The following CAMTA1 variants were observed in gnomAD, a reference collection of about 807,000 sequenced individuals.
CAMTA1 encodes calmodulin-binding transcription activator 1.
A neutral mutation model predicts 170.9 loss-of-function variants in CAMTA1; 27 were observed. The observed-to-expected ratio is 0.16, with a 90% confidence interval of 0.12 to 0.22. The LOEUF is 0.22. Ranked by LOEUF, CAMTA1 falls within the 10% of genes least tolerant of loss-of-function variation. The pLI is 1.00. For missense variants in CAMTA1, 1,619 were observed against 2,217.2 expected (o/e 0.73, Z 5.42); for synonymous variants, 833 against 891.5 (o/e 0.93, Z 1.17).
intron 5 of CAMTA1, among the ~76,000 whole-genome samples, chr1:7,457,054 C>T (rs1441379998): frequency 1.2e-5 from 1 of 86,288 alleles, no homozygotes; most frequent in African/African-American, 5.5e-5. Flanking sequence ...CCGCCCCCTG[C>T]GCCGCCGTGC....
Position 6,969,464 on chromosome 1 carries a change from C to A in CAMTA1, c.235-121840C>A, listed in dbSNP as rs568271986. On this transcript the variant is annotated intron_variant, in intron 3 of 22. Coordinates refer to ENST00000303635, the MANE Select transcript of CAMTA1 (RefSeq NM_015215.4). ...CCCTGGAACCTGGTCCGGCTCCTCC[C>A]CCGGATGATCACATCTGCTTTGGGG... 3.9e-3 allele frequency among the ~76,000 whole-genome samples: 601 copies of A among 152,256 alleles called. 5 individuals carry two copies. Among genetic ancestry groups the A allele is most frequent in the African/African-American group, 0.014 (567 of 41,558 alleles).
chr1:7,687,775 C>T (rs1265954056), intron 11 of CAMTA1, among the ~76,000 whole-genome samples: 1 of 152,186 alleles, frequency 6.6e-6, no homozygotes, highest in Non-Finnish European at 1.5e-5. Context: ...ATTCCTTCTT[C>T]ATGGCTCCCC....
At chr1:7,558,058 G>T (rs557128919) in intron 6 of CAMTA1, among the ~76,000 whole-genome samples, 1 of 152,134 alleles carries the variant, frequency 6.6e-6, no homozygotes, top group Non-Finnish European at 1.5e-5. Flanking sequence ...GTGATAACCA[G>T]GCCTCCTCCT....
intron 6 of CAMTA1, among the ~76,000 whole-genome samples, chr1:7,493,559 C>T (rs1233186604): frequency 1.3e-5 from 2 of 152,150 alleles, no homozygotes; most frequent in Admixed American, 6.5e-5. Flanking sequence ...GTACCAGGCA[C>T]GCAACGACGG....
chr1:6,978,362 G>A (rs900254309), intron 3 of CAMTA1, among the ~76,000 whole-genome samples: 2 of 152,126 alleles, frequency 1.3e-5, no homozygotes, highest in African/African-American at 4.8e-5. Context: ...GGCCAGGCAC[G>A]GTGGCTCACG....
chr1:7,157,344 C>CAAAAAAAAAAA (rs57248086), intron 4 of CAMTA1, among the ~76,000 whole-genome samples: 1 of 99,496 alleles, frequency 1.0e-5, no homozygotes, highest in African/African-American at 3.9e-5. Flanking sequence ...GACTCTGTCT[C>CAAAAAAAAAAA]AAAAAAAAAA....
rs897499887 is a variant in CAMTA1 at position 7,680,502 on chromosome 1, C to T, written c.2914+2769C>T. The stretch of plus-strand genomic sequence containing the variant: ...CCGACGCGCAGCCGCAATGCGGGGC[C>T]CTTCGCGGAACTGCTGGCGGCGCCG... On this transcript the variant is annotated intron_variant, in intron 11 of 22. Coordinates refer to ENST00000303635, the MANE Select transcript of CAMTA1 (RefSeq NM_015215.4). The surrounding 1 kb of genome is among the most constrained non-coding windows in gnomAD (Gnocchi z 4.4). Among the ~76,000 whole-genome samples, 1 of 151,464 alleles carries T rather than the reference C, an allele frequency of 6.6e-6. No individual in the cohort carries two copies. Among genetic ancestry groups the T allele is most frequent in the African/African-American group, 2.4e-5 (1 of 41,270 alleles).
intron 4 of CAMTA1, among the ~76,000 whole-genome samples, chr1:7,190,084 A>T (rs1308486656): frequency 6.6e-6 from 1 of 152,222 alleles, no homozygotes; most frequent in Non-Finnish European, 1.5e-5. Flanking sequence ...CTAAGCTATG[A>T]GGATGCAAAG....
intron 7 of CAMTA1, among the ~76,000 whole-genome samples, chr1:7,658,407 T>C (rs1248173321): frequency 6.6e-6 from 1 of 151,922 alleles, no homozygotes; most frequent in Non-Finnish European, 1.5e-5. Flanking sequence ...TCTGCAGAGC[T>C]CTAAAAAAAA....
chr1:7,648,483 G>T (rs995289804), intron 7 of CAMTA1, among the ~76,000 whole-genome samples: 1 of 152,198 alleles, frequency 6.6e-6, no homozygotes, highest in South Asian at 2.1e-4. Flanking sequence ...GGAGTGGGGG[G>T]ATCAGCCCCG....
chr1:7,188,628 G>A (rs1653929713), intron 4 of CAMTA1, among the ~76,000 whole-genome samples: 1 of 152,200 alleles, frequency 6.6e-6, no homozygotes, highest in Non-Finnish European at 1.5e-5. Context: ...CATCCATGTT[G>A]TAGCAGGTAT....
intron 6 of CAMTA1, among the ~76,000 whole-genome samples, chr1:7,624,878 T>G (rs1182120168): frequency 3.3e-5 from 5 of 152,186 alleles, no homozygotes; most frequent in Admixed American, 1.3e-4. Context: ...AATGAAATTA[T>G]TTTGGTTGGA....
At chr1:6,912,330 C>T (rs1413281973) in intron 3 of CAMTA1, among the ~76,000 whole-genome samples, 1 of 152,212 alleles carries the variant, frequency 6.6e-6, no homozygotes, top group African/African-American at 2.4e-5. Context: ...GCAGCAGTAG[C>T]ATCCCCCTTT....
chr1:7,055,336 C>T (rs1051318681), intron 3 of CAMTA1, among the ~76,000 whole-genome samples: 8 of 152,160 alleles, frequency 5.3e-5, no homozygotes, highest in African/African-American at 1.9e-4. Flanking sequence ...CCCTTTACAG[C>T]AGTGTTGAGC....
At chr1:7,183,187 G>A (rs1476469625) in intron 4 of CAMTA1, among the ~76,000 whole-genome samples, 1 of 152,120 alleles carries the variant, frequency 6.6e-6, no homozygotes, top group Non-Finnish European at 1.5e-5. Context: ...TGGAGTGTCC[G>A]ATGGTGAGAG....
At chr1:6,875,711 C>A (rs1448225634) in intron 3 of CAMTA1, among the ~76,000 whole-genome samples, 2 of 152,198 alleles carry the variant, frequency 1.3e-5, no homozygotes, top group Non-Finnish European at 2.9e-5. Context: ...ACTCTTATTA[C>A]CAATGGCTTC....
chr1:6,791,475 A>AT (rs1641084690), intron 1 of CAMTA1, among the ~76,000 whole-genome samples: 2 of 151,594 alleles, frequency 1.3e-5, no homozygotes, highest in East Asian at 1.9e-4. Context: ...GATTTTGGAA[A>AT]TTTTTTTTTG....
At chr1:7,578,950 G>A (rs1425069365) in intron 6 of CAMTA1, among the ~76,000 whole-genome samples, 1 of 152,162 alleles carries the variant, frequency 6.6e-6, no homozygotes, top group Admixed American at 6.5e-5. Context: ...TGTGGCAAAG[G>A]CATTCATACC....
intron 3 of CAMTA1, among the ~76,000 whole-genome samples, chr1:6,884,335 C>CACACACACA (rs776481131): frequency 2.1e-5 from 3 of 143,924 alleles, no homozygotes; most frequent in Non-Finnish European, 3.0e-5. Context: ...CACACACACA[C>CACACACACA]AATTTTGTTT....
Sources: allele counts gnomAD v4.1 joint callset (sites outside exome capture counted in the v4.1 genomes callset), GRCh38; gene constraint gnomAD v4.1.1; non-coding constraint Gnocchi (gnomAD v3.1); transcripts MANE v1.5; gene names NCBI Gene and HGNC (gene_info 2026-07-23, HGNC 2026-07-21).